Variants in BCAS4 observed in about 807,000 individuals in gnomAD.
The protein encoded by BCAS4 is breast carcinoma amplified sequence 4, also known as breast carcinoma-amplified sequence 4.
Under a neutral mutation model 15.7 loss-of-function variants are expected in BCAS4, and 9 were observed. The ratio of observed to expected loss-of-function variants is 0.57; its 90% CI spans 0.34 to 1.00. The LOEUF is 1.00. Ranked by LOEUF, BCAS4 falls within the 50% of genes least tolerant of loss-of-function variation. The pLI, the probability that BCAS4 is intolerant of heterozygous loss-of-function variation, is 0.02. For synonymous variants in BCAS4, 101 were observed against 99.5 expected (o/e 1.02, Z -0.09); for missense variants, 225 against 239.1 (o/e 0.94, Z 0.39).
chr20:50,843,314 C>G (rs2088505977), intron 4 of BCAS4, among the ~76,000 whole-genome samples: 1 of 152,130 alleles, frequency 6.6e-6, no homozygotes, highest in Non-Finnish European at 1.5e-5. Context: ...TGCAGTAATT[C>G]ATTTATCTTT....
At chr20:50,841,996 G>C in intron 4 of BCAS4, 96 bp downstream of exon 4, 3 of 1,406,084 alleles carry the variant, frequency 2.1e-6, no homozygotes, top group Non-Finnish European at 2.8e-6. Context: ...CAGAGTTCAG[G>C]GGGGCACATT....
intron 4 of BCAS4, among the ~76,000 whole-genome samples, chr20:50,875,602 T>TAAAAAAAAAAA (rs3971637): frequency 9.9e-6 from 1 of 100,558 alleles, no homozygotes. Context: ...TCATCTCTAC[T>TAAAAAAAAAAA]AAAAAAAAAA....
At chr20:50,871,202 G>T (rs1979623744) in intron 4 of BCAS4, among the ~76,000 whole-genome samples, 1 of 152,218 alleles carries the variant, frequency 6.6e-6, no homozygotes, top group South Asian at 2.1e-4. Flanking sequence ...CTTGGAGCTG[G>T]ACAGGCCGAG....
intron 2 of BCAS4, among the ~76,000 whole-genome samples, chr20:50,823,346 C>A (rs2088240079): frequency 6.7e-6 from 1 of 150,350 alleles, no homozygotes; most frequent in African/African-American, 2.4e-5. Context: ...TCCCCCCGGC[C>A]CAAAAAAAAA....
At chr20:50,808,761 G>A (rs529012088) in intron 1 of BCAS4, among the ~76,000 whole-genome samples, 145 of 152,196 alleles carry the variant, frequency 9.5e-4, no homozygotes, top group African/African-American at 3.4e-3. Context: ...CATAGATTGT[G>A]AAGATTTTCT....
chr20:50,881,427 A>C (rs1225902379), downstream of BCAS4: 1 of 152,200 alleles, frequency 6.6e-6, no homozygotes, highest in African/African-American at 2.4e-5. Flanking sequence ...TAGATGACAA[A>C]TTGGGAAAAT....
intron 1 of BCAS4, among the ~76,000 whole-genome samples, chr20:50,799,307 A>G (rs1004350940): frequency 6.6e-6 from 1 of 152,160 alleles, no homozygotes; most frequent in Non-Finnish European, 1.5e-5. Context: ...GGGATTTGTA[A>G]TAAAGAGCCC....
chr20:50,813,206 C>T (rs1213099984), intron 1 of BCAS4, among the ~76,000 whole-genome samples: 2 of 152,204 alleles, frequency 1.3e-5, no homozygotes, highest in Non-Finnish European at 2.9e-5. Context: ...TTCAGAGCAG[C>T]TGCACAATTG....
intron 1 of BCAS4, among the ~76,000 whole-genome samples, chr20:50,796,872 C>T (rs1372140616): frequency 1.3e-5 from 2 of 151,566 alleles, no homozygotes; most frequent in African/African-American, 2.4e-5. Flanking sequence ...ACTTTGTCAC[C>T]CAGGCTGGAG....
intron 2 of BCAS4, among the ~76,000 whole-genome samples, chr20:50,822,099 TTCA>T (rs2088223160): frequency 6.6e-6 from 1 of 152,200 alleles, no homozygotes; most frequent in African/African-American, 2.4e-5. Flanking sequence ...AGCTGGCTCC[TTCA>T]TCACTTGTCT....
chr20:50,796,283 C>T (rs1244675667), intron 1 of BCAS4, among the ~76,000 whole-genome samples: 1 of 145,650 alleles, frequency 6.9e-6, no homozygotes, highest in African/African-American at 2.5e-5. Flanking sequence ...GCAGGAGGAT[C>T]GCTTGAACCT....
intron 2 of BCAS4, among the ~76,000 whole-genome samples, chr20:50,824,486 G>A (rs1040551922): frequency 2.0e-5 from 3 of 152,222 alleles, no homozygotes; most frequent in African/African-American, 7.2e-5. Flanking sequence ...TAGCACACCT[G>A]GTTGGGTGTT....
downstream of BCAS4, chr20:50,880,705 G>A (rs1158833433): frequency 2.6e-5 from 4 of 152,154 alleles, no homozygotes; most frequent in Admixed American, 2.6e-4. Context: ...AGGCTCTTCG[G>A]TCAACCCCCT....
At chr20:50,829,862 A>G (rs1036048199) in intron 2 of BCAS4, among the ~76,000 whole-genome samples, 1 of 152,160 alleles carries the variant, frequency 6.6e-6, no homozygotes, top group African/African-American at 2.4e-5. Context: ...TTTCATTAAC[A>G]TTATTAATGA....
chr20:50,812,632 G>T (rs1569020830), intron 1 of BCAS4, among the ~76,000 whole-genome samples: 2 of 151,632 alleles, frequency 1.3e-5, no homozygotes, highest in Non-Finnish European at 2.9e-5. Context: ...TAGAGAGGGG[G>T]TTTCACCATC....
At chr20:50,849,204 C>T (rs962988720) in intron 4 of BCAS4, among the ~76,000 whole-genome samples, 2 of 152,348 alleles carry the variant, frequency 1.3e-5, no homozygotes, top group African/African-American at 2.4e-5. Flanking sequence ...ATCTTGTTCA[C>T]GAGGTGTCAT....
rs144080109 is a variant in BCAS4, at chr20:50,817,707, C to T, written c.91-504C>T. 7.5e-3 allele frequency among the ~76,000 whole-genome samples: 1,134 copies of T among 152,116 alleles called. 18 individuals are homozygous for T. The highest frequency in any genetic ancestry group is 0.026 in the African/African-American group (1,085 of 41,434). Reference sequence around the variant, plus strand: ...AAACTCCTGACCTCAGGTGATCCGCCCGCCTCACACATTTTTTTTGGTATG... The same window carrying T: ...AAACTCCTGACCTCAGGTGATCCGCTCGCCTCACACATTTTTTTTGGTATG... On this transcript the variant is annotated intron_variant, in intron 1 of 4. Coordinates refer to ENST00000371608, the MANE Select transcript of BCAS4 (RefSeq NM_198799.4).
Position 50,860,967 on chromosome 20 carries a change from C to G in BCAS4, c.400-15519C>G, listed in dbSNP as rs148817173. Reference sequence around the variant, plus strand: ...CCGTGATCGTGCCACTGCACTTCAGCCTGGGTGACAGAGCAAGACCCGGTC... The same window carrying G: ...CCGTGATCGTGCCACTGCACTTCAGGCTGGGTGACAGAGCAAGACCCGGTC... On this transcript the variant is annotated intron_variant, in intron 4 of 4. Coordinates refer to ENST00000371608, the MANE Select transcript of BCAS4 (RefSeq NM_198799.4). 2.0e-3 allele frequency among the ~76,000 whole-genome samples: 301 copies of G among 151,558 alleles called. 2 individuals are homozygous for G. The highest frequency in any genetic ancestry group is 6.9e-3 in the African/African-American group (284 of 41,206).
At chr20:50,870,344 C>T (rs1242145275) in intron 4 of BCAS4, among the ~76,000 whole-genome samples, 1 of 152,106 alleles carries the variant, frequency 6.6e-6, no homozygotes, top group Non-Finnish European at 1.5e-5. Flanking sequence ...CAGCACAGGG[C>T]AAACGGAGGC....
Sources: allele counts gnomAD v4.1 joint callset (sites outside exome capture counted in the v4.1 genomes callset), GRCh38; gene constraint gnomAD v4.1.1; transcripts MANE v1.5; gene names NCBI Gene and HGNC (gene_info 2026-07-23, HGNC 2026-07-21).